The following VTA1 variants were observed in gnomAD, a reference collection of about 807,000 sequenced individuals.
VTA1 encodes vacuolar protein sorting-associated protein VTA1 homolog.
Under a neutral mutation model 36.9 loss-of-function variants are expected in VTA1, and 24 were observed. The observed-to-expected ratio is 0.65, with a 90% CI of 0.47 to 0.91. The LOEUF (loss-of-function observed/expected upper bound fraction) is 0.91. VTA1 is among the 40% of genes least tolerant of loss of function. The pLI, the probability that VTA1 is intolerant of heterozygous loss-of-function variation, is 0.00. For synonymous variants in VTA1, 142 were observed against 130.2 expected (o/e 1.09, Z -0.62); for missense variants, 393 against 377.2 (o/e 1.04, Z -0.35).
chr6:142,178,034 A>G (rs1232499423), intron 4 of VTA1, among the ~76,000 whole-genome samples: 1 of 152,182 alleles, frequency 6.6e-6, no homozygotes, highest in African/African-American at 2.4e-5. Flanking sequence ...AGAAATAATG[A>G]CCACAGATTT....
chr6:142,181,092 AAAATATAT>A (rs1409193637), intron 4 of VTA1, among the ~76,000 whole-genome samples: 14 of 41,914 alleles, frequency 3.3e-4, no homozygotes, highest in South Asian at 1.7e-3. Flanking sequence ...AAAAAAAAAA[AAAATATAT>A]ATATATATAT....
intron 4 of VTA1, among the ~76,000 whole-genome samples, 184 bp downstream of exon 4, chr6:142,170,605 T>TC (rs1775010672): frequency 6.6e-6 from 1 of 152,204 alleles, no homozygotes; most frequent in African/African-American, 2.4e-5. Flanking sequence ...TAATATATTT[T>TC]AATTTTGTAC....
intron 6 of VTA1, among the ~76,000 whole-genome samples, chr6:142,201,283 TACTC>T (rs1775680215): frequency 6.6e-6 from 1 of 151,858 alleles, no homozygotes; most frequent in Non-Finnish European, 1.5e-5. Context: ...TTTCCCCTCT[TACTC>T]ACGTTAAGAA....
intron 7 of VTA1, among the ~76,000 whole-genome samples, chr6:142,216,084 C>A (rs1776000367): frequency 1.3e-5 from 2 of 151,526 alleles, no homozygotes; most frequent in South Asian, 4.2e-4. Context: ...CCACTTGCAC[C>A]CTCTCTTGTT....
chr6:142,154,830 T>C (rs1244112162), intron 1 of VTA1, among the ~76,000 whole-genome samples: 1 of 152,126 alleles, frequency 6.6e-6, no homozygotes, highest in Non-Finnish European at 1.5e-5. Flanking sequence ...TAATATATTA[T>C]AGTTACGTTA....
At chr6:142,208,821 A>G (rs1044295541) in intron 7 of VTA1, among the ~76,000 whole-genome samples, 3 of 152,220 alleles carry the variant, frequency 2.0e-5, no homozygotes, top group Non-Finnish European at 2.9e-5. Flanking sequence ...TGTCATTCAA[A>G]TATGAAGGAA....
intron 1 of VTA1, among the ~76,000 whole-genome samples, chr6:142,162,506 ATTGGG>A (rs1774830126): frequency 6.6e-6 from 1 of 152,016 alleles, no homozygotes; most frequent in Non-Finnish European, 1.5e-5. Context: ...TGTATGTATG[ATTGGG>A]TAAGTTGGTT....
intron 7 of VTA1, among the ~76,000 whole-genome samples, chr6:142,216,668 T>C (rs1776009669): frequency 3.9e-5 from 6 of 152,194 alleles, no homozygotes; most frequent in Admixed American, 3.9e-4. Context: ...ATTTGTGTTT[T>C]AAAATAATTT....
intron 4 of VTA1, among the ~76,000 whole-genome samples, chr6:142,177,946 A>G (rs1465915789): frequency 6.6e-6 from 1 of 152,166 alleles, no homozygotes; most frequent in Non-Finnish European, 1.5e-5. Context: ...TATTATTGCT[A>G]CTGTATTTGG....
chr6:142,184,782 T>G (rs1775308524), intron 4 of VTA1, among the ~76,000 whole-genome samples: 1 of 152,150 alleles, frequency 6.6e-6, no homozygotes, highest in South Asian at 2.1e-4. Context: ...TGAGCCAGTC[T>G]TATAATGTCT....
chr6:142,216,348 TTAA>T (rs1159807970), intron 7 of VTA1, among the ~76,000 whole-genome samples: 3 of 152,166 alleles, frequency 2.0e-5, no homozygotes, highest in Non-Finnish European at 4.4e-5. Flanking sequence ...TCATATTTTA[TTAA>T]TGAATGTAGA....
At chr6:142,181,078 G>GAAAAAAAAAAA (rs1162412059) in intron 4 of VTA1, among the ~76,000 whole-genome samples, 3 of 51,282 alleles carry the variant, frequency 5.9e-5, no homozygotes. Context: ...AAATGGTACA[G>GAAAAAAAAAAA]AAAAAAAAAA....
chr6:142,175,416 G>A (rs535140380), intron 4 of VTA1, among the ~76,000 whole-genome samples: 20 of 151,868 alleles, frequency 1.3e-4, no homozygotes, highest in African/African-American at 2.2e-4. Flanking sequence ...GTTTTTAGCC[G>A]GCTTTGCCTA....
chr6:142,166,119 C>A (rs1383787826), intron 1 of VTA1, 109 bp from the exon 2 acceptor site: 3 of 688,236 alleles, frequency 4.4e-6, no homozygotes, highest in Non-Finnish European at 6.6e-6. Flanking sequence ...AGTTTTATTT[C>A]TAAATTTACT....
intron 1 of VTA1, among the ~76,000 whole-genome samples, chr6:142,165,495 T>C (rs570190903): frequency 7.2e-5 from 11 of 152,304 alleles, no homozygotes; most frequent in African/African-American, 2.6e-4. Flanking sequence ...GTAATGAAAA[T>C]TTGAGAGCTA....
intron 7 of VTA1, among the ~76,000 whole-genome samples, chr6:142,214,322 G>A (rs2114689053): frequency 6.6e-6 from 1 of 152,266 alleles, no homozygotes; most frequent in South Asian, 2.1e-4. Context: ...AACCACCTCA[G>A]GCTGGACTTC....
Position 142,208,957 on chromosome 6 carries a change from A to G in VTA1, c.778+4892A>G, listed in dbSNP as rs560404078. On this transcript the variant is annotated intron_variant, in intron 7 of 7. Transcript: ENST00000367630. ...ATTTCAAGGTGTAAAATCCACTGGT[A>G]GAATTAATACTATGTATATAATTTT... Among the ~76,000 whole-genome samples the G allele has an allele frequency of 5.3e-5, 8 of 152,348 alleles. No homozygotes were observed. In the South Asian group the frequency reaches 1.7e-3, roughly 32 times the overall value.
chr6:142,209,383 A>G (rs1775855972), intron 7 of VTA1, among the ~76,000 whole-genome samples: 1 of 150,634 alleles, frequency 6.6e-6, no homozygotes, highest in South Asian at 2.1e-4. Flanking sequence ...GTGTATATAC[A>G]CTATGTGTAT....
At chr6:142,173,033 CTG>C (rs2114648565) in intron 4 of VTA1, among the ~76,000 whole-genome samples, 1 of 150,450 alleles carries the variant, frequency 6.6e-6, no homozygotes, top group South Asian at 2.1e-4. Context: ...AGGTGGAAAA[CTG>C]TACATGATGA....
Sources: gnomAD v4.1 joint callset for allele counts (sites outside exome capture counted in the v4.1 genomes callset) on GRCh38, gnomAD v4.1.1 for gene constraint, MANE v1.5 for transcripts, NCBI Gene and HGNC (gene_info 2026-07-23, HGNC 2026-07-21) for gene names.